Variants in CACNA1D observed in about 807,000 individuals in gnomAD.
CACNA1D encodes calcium voltage-gated channel subunit alpha1 D.
Under a neutral mutation model 257.1 loss-of-function variants are expected in CACNA1D, and 55 were observed. That is an observed-to-expected ratio of 0.21 (90% CI 0.17 to 0.27). The LOEUF (loss-of-function observed/expected upper bound fraction) is 0.27, where lower values mean the gene tolerates loss of function less well. CACNA1D is among the 10% of genes least tolerant of loss of function. The probability of loss-of-function intolerance (pLI) is 1.00; values close to 1 mark genes in which losing one functional copy is unlikely to be tolerated. For synonymous variants in CACNA1D, 980 were observed against 1,014.9 expected (o/e 0.97, Z 0.65); for missense variants, 1,876 against 2,784.0 (o/e 0.67, Z 7.34).
intron 3 of CACNA1D, among the ~76,000 whole-genome samples, chr3:53,553,600 G>A (rs1483792114): frequency 2.0e-5 from 3 of 152,080 alleles, no homozygotes; most frequent in Non-Finnish European, 4.4e-5. Flanking sequence ...AGAAATAGTT[G>A]TTACATTTGC....
intron 9 of CACNA1D, among the ~76,000 whole-genome samples, chr3:53,715,481 G>A (rs1208781120): frequency 1.3e-5 from 2 of 152,074 alleles, no homozygotes; most frequent in Non-Finnish European, 2.9e-5. Context: ...TGATGAAAGT[G>A]GCCAGGGCAA....
At chr3:53,558,194 C>G (rs1014305020) in intron 3 of CACNA1D, among the ~76,000 whole-genome samples, 9 of 152,070 alleles carry the variant, frequency 5.9e-5, no homozygotes, top group African/African-American at 2.2e-4. Flanking sequence ...ATTTTTATGT[C>G]TATATTCATA....
intron 3 of CACNA1D, among the ~76,000 whole-genome samples, chr3:53,592,664 A>G (rs1465504326): frequency 6.6e-6 from 1 of 151,072 alleles, no homozygotes; most frequent in Non-Finnish European, 1.5e-5. Flanking sequence ...TCGTGGTTGG[A>G]CTGTGTTCTG....
chr3:53,779,407 A>G (rs997903296), intron 37 of CACNA1D, among the ~76,000 whole-genome samples: 8 of 150,364 alleles, frequency 5.3e-5, no homozygotes, highest in South Asian at 2.1e-4. Context: ...ATATGTATGT[A>G]TGTGTGTGTG....
At chr3:53,611,218 A>C (rs1260876736) in intron 3 of CACNA1D, among the ~76,000 whole-genome samples, 1 of 152,116 alleles carries the variant, frequency 6.6e-6, no homozygotes, top group East Asian at 1.9e-4. Context: ...ACCCCATCTC[A>C]ACAAAAAGTT....
chr3:53,718,422 C>G, intron 10 of CACNA1D, 34 bp downstream of exon 10: 1 of 1,586,068 alleles, frequency 6.3e-7, no homozygotes, highest in South Asian at 1.1e-5. Context: ...TCTTTCCCCT[C>G]CTGTTGTCTC....
intron 5 of CACNA1D, among the ~76,000 whole-genome samples, chr3:53,662,619 C>A (rs1395239408): frequency 6.6e-6 from 1 of 152,048 alleles, no homozygotes; most frequent in African/African-American, 2.4e-5. Flanking sequence ...CAGACAGAAC[C>A]AGACCCACGA....
chr3:53,803,225 G>T lies in CACNA1D; in HGVS notation c.5436-198G>T, dbSNP rs2276837. On this transcript the variant is annotated intron_variant, in intron 43 of 47. Transcript: ENST00000350061. The stretch of plus-strand genomic sequence containing the variant: ...ACTGAGAGAGACCCTATCCTGGCCC[G>T]CAGGCACACCACACACACAGACACA... Among the ~76,000 whole-genome samples the T allele has an allele frequency of 1.3e-3, 200 of 152,274 alleles. 2 individuals carry two copies. Among genetic ancestry groups the T allele is most frequent in the Middle Eastern group, 3.4e-3 (1 of 294 alleles).
At chr3:53,542,977 GGGA>G (rs1306059825) in intron 3 of CACNA1D, among the ~76,000 whole-genome samples, 1 of 151,034 alleles carries the variant, frequency 6.6e-6, no homozygotes, top group Non-Finnish European at 1.5e-5. Flanking sequence ...GCTTGAACCC[GGGA>G]GGCGGAGGTT....
rs536696466 is a variant in CACNA1D, at chr3:53,739,884, C to T, written c.2752-396C>T. On this transcript the variant is annotated intron_variant, in intron 20 of 47. Transcript: ENST00000350061. ...TGATGCTCAGATGGAGGGCAACATA[C>T]TTCATTCAGCCAGAAACGCGGTTAA... Among the ~76,000 whole-genome samples the T allele has an allele frequency of 5.9e-5, 9 of 152,326 alleles. No homozygotes were observed. The South Asian group carries it at 1.9e-3, about 32-fold the overall frequency.
rs1040617323 is a variant in CACNA1D, at chr3:53,776,843, T to G, written c.4491-17T>G. Reference sequence around the variant, plus strand: ...GCTGGTACTGTTCCTGGACCTTAGATTGTATTTTACTTCCAGGGGAAGGAT... The same window carrying G: ...GCTGGTACTGTTCCTGGACCTTAGAGTGTATTTTACTTCCAGGGGAAGGAT... On this transcript the variant is annotated splice_polypyrimidine_tract_variant and intron_variant, in intron 36 of 47. Transcript: ENST00000350061. 6.1e-5 allele frequency: 98 copies of G among 1,613,442 alleles called. No homozygotes were observed. The highest frequency in any genetic ancestry group is 8.2e-5 in the Non-Finnish European group (97 of 1,179,522).
intron 3 of CACNA1D, among the ~76,000 whole-genome samples, chr3:53,571,474 T>G (rs976825508): frequency 3.9e-5 from 6 of 152,156 alleles, no homozygotes; most frequent in African/African-American, 1.4e-4. Context: ...ATTGTTTACT[T>G]GGCAGCCATA....
chr3:53,741,645 G>A (rs2095119315), intron 21 of CACNA1D, among the ~76,000 whole-genome samples: 1 of 152,302 alleles, frequency 6.6e-6, no homozygotes, highest in Admixed American at 6.5e-5. Context: ...ACCAGCTCTT[G>A]TTGATGAGGC....
intron 3 of CACNA1D, among the ~76,000 whole-genome samples, chr3:53,548,217 C>A (rs1032630010): frequency 5.3e-5 from 8 of 152,136 alleles, no homozygotes; most frequent in Non-Finnish European, 1.2e-4. Context: ...GAAAGTACTA[C>A]CTTTGTGGCT....
intron 3 of CACNA1D, among the ~76,000 whole-genome samples, chr3:53,645,019 G>T (rs2094004285): frequency 6.6e-6 from 1 of 152,168 alleles, no homozygotes; most frequent in Non-Finnish European, 1.5e-5. Flanking sequence ...CCATTCCAAT[G>T]AATGTGAGGT....
Position 53,795,418 on chromosome 3 carries a change from G to C in CACNA1D, c.4924-4831G>C, listed in dbSNP as rs187533616. Reference sequence around the variant, plus strand: ...GTGCAGTGACTTTGCCTGGGTGGTGGTTGAGGTGGGGAGTTTGGGAGAGGT... The same window carrying C: ...GTGCAGTGACTTTGCCTGGGTGGTGCTTGAGGTGGGGAGTTTGGGAGAGGT... On this transcript the variant is annotated intron_variant, in intron 40 of 47. Coordinates refer to ENST00000350061, the MANE Select transcript of CACNA1D (RefSeq NM_001128840.3). Among the ~76,000 whole-genome samples, 969 of 152,304 alleles carry C rather than the reference G, an allele frequency of 6.4e-3. 8 individuals carry two copies. Among genetic ancestry groups the C allele is most frequent in the Non-Finnish European group, 0.01 (690 of 68,020 alleles).
intron 3 of CACNA1D, among the ~76,000 whole-genome samples, chr3:53,611,892 A>C (rs754677388): frequency 5.9e-5 from 9 of 152,240 alleles, no homozygotes; most frequent in Admixed American, 1.3e-4. Context: ...ATGCATAGAC[A>C]ATACACCAAA....
chr3:53,651,649 A>G (rs563216933), intron 4 of CACNA1D, among the ~76,000 whole-genome samples: 110 of 152,320 alleles, frequency 7.2e-4, no homozygotes, highest in African/African-American at 2.6e-3. Flanking sequence ...AAATGAATCC[A>G]TGTTACAGGA....
chr3:53,597,476 C>G (rs2093384824), intron 3 of CACNA1D, among the ~76,000 whole-genome samples: 1 of 152,184 alleles, frequency 6.6e-6, no homozygotes, highest in African/African-American at 2.4e-5. Flanking sequence ...TGGTCTGATC[C>G]TTTTCTCAGG....
Sources: allele counts gnomAD v4.1 joint callset (sites outside exome capture counted in the v4.1 genomes callset), GRCh38; gene constraint gnomAD v4.1.1; transcripts MANE v1.5; gene names NCBI Gene and HGNC (gene_info 2026-07-23, HGNC 2026-07-21).